ZMAT4: variants seen among roughly 807,000 people sequenced by gnomAD.
ZMAT4 encodes zinc finger matrin-type 4, also known as zinc finger matrin-type protein 4.
A neutral mutation model predicts 28.7 loss-of-function variants in ZMAT4; 17 were observed. That is an observed-to-expected ratio of 0.59 (90% CI 0.41 to 0.89). The LOEUF (loss-of-function observed/expected upper bound fraction) is 0.89, where lower values mean the gene tolerates loss of function less well. ZMAT4 is among the 40% of genes least tolerant of loss of function. The pLI is 0.00. For missense variants in ZMAT4, 240 were observed against 283.8 expected (o/e 0.85, Z 1.11); for synonymous variants, 117 against 109.2 (o/e 1.07, Z -0.44).
chr8:40,569,712 C>A (rs1379869401), intron 6 of ZMAT4, among the ~76,000 whole-genome samples: 1 of 152,180 alleles, frequency 6.6e-6, no homozygotes, highest in Non-Finnish European at 1.5e-5. Context: ...GTCATAGCCA[C>A]CTGAACAGCC....
At chr8:40,768,089 C>CA (rs1347839928) in intron 2 of ZMAT4, among the ~76,000 whole-genome samples, 1 of 152,146 alleles carries the variant, frequency 6.6e-6, no homozygotes, top group Non-Finnish European at 1.5e-5. Context: ...TGATCTCTCT[C>CA]ACTACTGCTG....
chr8:40,830,979 C>CA (rs1052310283), intron 1 of ZMAT4, among the ~76,000 whole-genome samples: 3 of 151,568 alleles, frequency 2.0e-5, no homozygotes, highest in African/African-American at 4.8e-5. Flanking sequence ...CAGAGACACG[C>CA]AAAAAGGGGA....
chr8:40,809,897 A>C (rs1815249550), intron 2 of ZMAT4, among the ~76,000 whole-genome samples: 1 of 152,064 alleles, frequency 6.6e-6, no homozygotes, highest in Admixed American at 6.6e-5. Context: ...TACAAAAATT[A>C]GCTGAGCATG....
intron 5 of ZMAT4, among the ~76,000 whole-genome samples, chr8:40,590,190 A>AT (rs200000224): frequency 0.015 from 2,291 of 149,702 alleles, 73 homozygotes; most frequent in African/African-American, 0.052. Context: ...TGCCTTGCTA[A>AT]TTTTTTTTTA....
chr8:40,696,377 G>A (rs919904574), intron 4 of ZMAT4, among the ~76,000 whole-genome samples: 2 of 152,248 alleles, frequency 1.3e-5, no homozygotes, highest in Admixed American at 6.5e-5. Context: ...TACAGTTTAT[G>A]CATGATTCAT....
chr8:40,794,486 A>G (rs1814499348), intron 2 of ZMAT4, among the ~76,000 whole-genome samples: 1 of 152,186 alleles, frequency 6.6e-6, no homozygotes, highest in Non-Finnish European at 1.5e-5. Context: ...AGAATAGCCC[A>G]CAGTCCTGCT....
chr8:40,651,773 C>T (rs1459518059), intron 5 of ZMAT4, among the ~76,000 whole-genome samples: 10 of 147,790 alleles, frequency 6.8e-5, no homozygotes, highest in South Asian at 4.4e-4. Flanking sequence ...TCAGAAATAA[C>T]GCCGCATATC....
At chr8:40,632,220 C>G (rs2118729456) in intron 5 of ZMAT4, among the ~76,000 whole-genome samples, 1 of 152,220 alleles carries the variant, frequency 6.6e-6, no homozygotes, top group South Asian at 2.1e-4. Context: ...GCAAGGATTT[C>G]CATAAAAACA....
At chr8:40,590,717 G>GTGTGTGTA (rs1289795462) in intron 5 of ZMAT4, among the ~76,000 whole-genome samples, 2 of 151,750 alleles carry the variant, frequency 1.3e-5, no homozygotes, top group Non-Finnish European at 2.9e-5. Context: ...GTATAAGTGT[G>GTGTGTGTA]TGTGTGTGTG....
intron 6 of ZMAT4, among the ~76,000 whole-genome samples, chr8:40,549,342 C>T (rs767581168): frequency 3.3e-5 from 5 of 152,190 alleles, no homozygotes; most frequent in Non-Finnish European, 5.9e-5. Context: ...ACTGACTCCA[C>T]TAGGGGTGCT....
intron 1 of ZMAT4, among the ~76,000 whole-genome samples, chr8:40,887,779 G>A (rs1027231604): frequency 5.3e-5 from 8 of 151,984 alleles, no homozygotes; most frequent in African/African-American, 1.5e-4. Context: ...CCCTCCCTTC[G>A]GTCCTCTCAC....
At chr8:40,851,095 G>T (rs1015761839) in intron 1 of ZMAT4, among the ~76,000 whole-genome samples, 1 of 152,098 alleles carries the variant, frequency 6.6e-6, no homozygotes, top group African/African-American at 2.4e-5. Context: ...GGGAGACCGC[G>T]GTAGGCAGAT....
In ZMAT4 at chr8:40,870,798, A is replaced by G. The variant is rs528438177; in HGVS notation, c.-5+26885T>C. ...AGCCATTTTATAACTGTGGACCTTAACAATTCAAGGCAGAAATGGGTCTGC... is the reference window on the plus strand; with the variant it reads ...AGCCATTTTATAACTGTGGACCTTAGCAATTCAAGGCAGAAATGGGTCTGC... On this transcript the variant is annotated intron_variant, in intron 1 of 6. Coordinates refer to ENST00000297737, the MANE Select transcript of ZMAT4 (RefSeq NM_024645.3). Among the ~76,000 whole-genome samples the G allele has an allele frequency of 5.3e-5, 8 of 152,326 alleles. No individual in the cohort carries two copies. In the East Asian group the frequency reaches 1.2e-3, roughly 22 times the overall value.
intron 3 of ZMAT4, among the ~76,000 whole-genome samples, chr8:40,704,629 T>C (rs1336061796): frequency 6.6e-6 from 1 of 152,218 alleles, no homozygotes; most frequent in Admixed American, 6.5e-5. Flanking sequence ...GAAGTTATCC[T>C]CCCATCATAG....
rs550733673 is a variant in ZMAT4 at position 40,849,580 on chromosome 8, C to T, written c.-4-23900G>A. Among the ~76,000 whole-genome samples, 267 of 152,276 alleles carry T rather than the reference C, an allele frequency of 1.8e-3. 1 individual carries two copies. Among genetic ancestry groups the T allele is most frequent in the African/African-American group, 5.9e-3 (247 of 41,556 alleles). ...CTGGATTCTCAGATGTTCTCTTGTT[C>T]CTCCGTCACCCACAACATATCCCCA... On this transcript the variant is annotated intron_variant, in intron 1 of 6. Coordinates refer to ENST00000297737, the MANE Select transcript of ZMAT4 (RefSeq NM_024645.3).
chr8:40,544,792 C>T (rs1020661466), intron 6 of ZMAT4, among the ~76,000 whole-genome samples: 2 of 152,114 alleles, frequency 1.3e-5, no homozygotes, highest in Admixed American at 1.3e-4. Flanking sequence ...TACAAACAAG[C>T]TCTAGTTTTC....
intron 2 of ZMAT4, among the ~76,000 whole-genome samples, chr8:40,789,803 G>T (rs1044002419): frequency 1.3e-5 from 2 of 152,150 alleles, no homozygotes; most frequent in African/African-American, 4.8e-5. Context: ...GTCCAGGAAG[G>T]CAAACTACTG....
chr8:40,577,559 T>C (rs866698740), intron 6 of ZMAT4, among the ~76,000 whole-genome samples: 3 of 152,228 alleles, frequency 2.0e-5, no homozygotes, highest in Non-Finnish European at 4.4e-5. Context: ...GGTTAATAGA[T>C]ACAAAATTCC....
At chr8:40,864,132 A>C (rs143772672) in intron 1 of ZMAT4, among the ~76,000 whole-genome samples, 1 of 152,334 alleles carries the variant, frequency 6.6e-6, no homozygotes, top group African/African-American at 2.4e-5. Flanking sequence ...GATGGACGTA[A>C]ACCAGAGGTG....
Sources: allele counts gnomAD v4.1 joint callset (sites outside exome capture counted in the v4.1 genomes callset), GRCh38; gene constraint gnomAD v4.1.1; transcripts MANE v1.5; gene names NCBI Gene and HGNC (gene_info 2026-07-23, HGNC 2026-07-21).